The following ZNF362 variants were observed in gnomAD, a reference collection of about 807,000 sequenced individuals.
The protein encoded by ZNF362 is rotund homolog.
In ZNF362, 11 loss-of-function variants were observed where a neutral mutation model predicts 42.9. That is an observed-to-expected ratio of 0.26 (90% confidence interval 0.16 to 0.42). The LOEUF (loss-of-function observed/expected upper bound fraction) is 0.42. Ranked by LOEUF, ZNF362 falls within the 20% of genes least tolerant of loss-of-function variation. ZNF362 has a pLI of 1.00. For synonymous variants in ZNF362, 255 were observed against 257.3 expected (o/e 0.99, Z 0.09); for missense variants, 362 against 576.2 (o/e 0.63, Z 3.81).
the ZNF362 span, among the ~76,000 whole-genome samples, chr1:33,177,061 A>G: frequency 1.6e-5 from 1 of 64,070 alleles, no homozygotes. The surrounding 1 kb of genome is among the most constrained non-coding windows in gnomAD (Gnocchi z 4.1). Flanking sequence ...GCACACACAC[A>G]CACATGCACA....
At chr1:33,149,307 C>T in the ZNF362 span, among the ~76,000 whole-genome samples, 4 of 152,040 alleles carry the variant, frequency 2.6e-5, no homozygotes, top group Non-Finnish European at 5.9e-5. Context: ...CACGCGCCAC[C>T]ACGCCTGGCT....
the ZNF362 span, among the ~76,000 whole-genome samples, chr1:33,141,658 C>G: frequency 6.6e-6 from 1 of 152,190 alleles, no homozygotes; most frequent in Admixed American, 6.5e-5. Context: ...ACCCTTCCCC[C>G]TCTTCATCTA....
chr1:33,180,772 C>T, the ZNF362 span, among the ~76,000 whole-genome samples: 2 of 152,060 alleles, frequency 1.3e-5, no homozygotes, highest in African/African-American at 2.4e-5. Flanking sequence ...GCGGACCAGC[C>T]GGTACTCCAG....
chr1:33,166,732 G>A, the ZNF362 span, among the ~76,000 whole-genome samples: 1 of 152,068 alleles, frequency 6.6e-6, no homozygotes, highest in Non-Finnish European at 1.5e-5. Flanking sequence ...CTCCTGCGAT[G>A]AATAACAACA....
chr1:33,185,014 C>T, the ZNF362 span, among the ~76,000 whole-genome samples: 1 of 152,100 alleles, frequency 6.6e-6, no homozygotes. Context: ...CTCCTGACCT[C>T]AGGTCATCCA....
chr1:33,295,126 C>T (rs746064586), intron 7 of ZNF362, 21 bp from the exon 8 acceptor site: 6 of 1,613,380 alleles, frequency 3.7e-6, no homozygotes, highest in Non-Finnish European at 5.1e-6. Context: ...CCTCTCCTGA[C>T]CCCCTGCTGT....
the ZNF362 span, among the ~76,000 whole-genome samples, chr1:33,227,016 C>A: frequency 6.6e-6 from 1 of 152,066 alleles, no homozygotes; most frequent in African/African-American, 2.4e-5. Flanking sequence ...TTGCCAGGGG[C>A]TGAGGGAAGG....
chr1:33,298,824 C>G, intron 8 of ZNF362, 106 bp from the exon 9 acceptor site: 1 of 942,948 alleles, frequency 1.1e-6, no homozygotes. Context: ...CCTCCACCCT[C>G]TGAACCGCCT....
intron 8 of ZNF362, among the ~76,000 whole-genome samples, chr1:33,297,732 T>G (rs1337992219): frequency 6.6e-6 from 1 of 152,162 alleles, no homozygotes; most frequent in Non-Finnish European, 1.5e-5. Flanking sequence ...CAGGCTGGTC[T>G]CGAATTCCTG....
At chr1:33,234,840 C>T in the ZNF362 span, among the ~76,000 whole-genome samples, 4 of 152,218 alleles carry the variant, frequency 2.6e-5, no homozygotes, top group Admixed American at 6.5e-5. Flanking sequence ...TGGGACCCCT[C>T]TGCTGCCAGG....
chr1:33,213,988 T>C, the ZNF362 span, among the ~76,000 whole-genome samples: 1 of 152,092 alleles, frequency 6.6e-6, no homozygotes, highest in South Asian at 2.1e-4. Context: ...ATTTTAAGAG[T>C]GCATGATGTA....
the ZNF362 span, among the ~76,000 whole-genome samples, chr1:33,148,940 G>A: frequency 5.3e-5 from 8 of 152,210 alleles, no homozygotes; most frequent in African/African-American, 1.4e-4. Flanking sequence ...GCAATCTAGC[G>A]CCAGTCCTTT....
At chr1:33,153,324 G>A in the ZNF362 span, among the ~76,000 whole-genome samples, 1 of 152,238 alleles carries the variant, frequency 6.6e-6, no homozygotes, top group Non-Finnish European at 1.5e-5. Context: ...CTCTGCTCTG[G>A]GCAGGATGTT....
the ZNF362 span, chr1:33,181,024 C>G: frequency 6.3e-7 from 1 of 1,585,210 alleles, no homozygotes; most frequent in Non-Finnish European, 8.5e-7. This position sits in a 1 kb window ranked among gnomAD's most constrained non-coding sequence, Gnocchi z 6.5. Flanking sequence ...GGGTAGCGCA[C>G]CTGCAGCTCG....
chr1:33,238,968 C>G, the ZNF362 span, among the ~76,000 whole-genome samples: 3 of 152,148 alleles, frequency 2.0e-5, no homozygotes, highest in Admixed American at 2.0e-4. Flanking sequence ...TTTAATCCAT[C>G]CAGCTTACGG....
the ZNF362 span, among the ~76,000 whole-genome samples, chr1:33,239,106 C>T: frequency 2.6e-5 from 4 of 152,156 alleles, no homozygotes; most frequent in African/African-American, 9.7e-5. Flanking sequence ...TACTCCATCC[C>T]CCAATTTGTG....
the ZNF362 span, among the ~76,000 whole-genome samples, chr1:33,178,909 T>C: frequency 6.6e-6 from 1 of 152,216 alleles, no homozygotes; most frequent in African/African-American, 2.4e-5. Context: ...GTAATTTGGA[T>C]TTCCTGGTTT....
chr1:33,166,659 C>T, the ZNF362 span, among the ~76,000 whole-genome samples: 2 of 152,140 alleles, frequency 1.3e-5, no homozygotes, highest in Admixed American at 6.5e-5. Context: ...AATTGGAACC[C>T]GGACAGCCTG....
At chr1:33,238,386 A>AAAAT in the ZNF362 span, among the ~76,000 whole-genome samples, 3 of 119,868 alleles carry the variant, frequency 2.5e-5, no homozygotes, top group African/African-American at 8.5e-5. Flanking sequence ...TAAAATAAAT[A>AAAAT]AAATAAAATA....
Sources: gnomAD v4.1 joint callset for allele counts (sites outside exome capture counted in the v4.1 genomes callset) on GRCh38, gnomAD v4.1.1 for gene constraint, Gnocchi (gnomAD v3.1) non-coding constraint, MANE v1.5 for transcripts, NCBI Gene and HGNC (gene_info 2026-07-23, HGNC 2026-07-21) for gene names.